The following TRABD2B variants were observed in gnomAD, a reference collection of about 807,000 sequenced individuals.
TRABD2B encodes the protein metalloprotease TIKI2.
Under a neutral mutation model 40.1 loss-of-function variants are expected in TRABD2B, and 14 were observed. The observed-to-expected ratio is 0.35, with a 90% CI of 0.23 to 0.55. The LOEUF (loss-of-function observed/expected upper bound fraction) is 0.55. Among genes scored for constraint, TRABD2B ranks in the 20% least tolerant of loss-of-function variants. TRABD2B has a pLI of 0.90. For synonymous variants in TRABD2B, 263 were observed against 277.0 expected (o/e 0.95, Z 0.50); for missense variants, 541 against 648.6 (o/e 0.83, Z 1.80).
At chr1:47,795,816 A>T (rs1229715972) in intron 3 of TRABD2B, 1 of 583,220 alleles carries the variant, frequency 1.7e-6, no homozygotes, top group African/African-American at 2.0e-5. Context: ...CCCTTTTTGA[A>T]TACCTCAACC....
chr1:47,859,788 C>G (rs112631033), intron 2 of TRABD2B, among the ~76,000 whole-genome samples: 3 of 152,316 alleles, frequency 2.0e-5, no homozygotes, highest in African/African-American at 7.2e-5. Flanking sequence ...CACCTTCCAG[C>G]CTTGGCACCT....
chr1:47,827,346 C>T (rs1158661621), intron 2 of TRABD2B, among the ~76,000 whole-genome samples: 1 of 152,226 alleles, frequency 6.6e-6, no homozygotes, highest in Non-Finnish European at 1.5e-5. Context: ...TCAGCATCTG[C>T]ATGTGCTCTG....
At chr1:47,904,149 T>G (rs888433272) in intron 2 of TRABD2B, among the ~76,000 whole-genome samples, 1 of 152,272 alleles carries the variant, frequency 6.6e-6, no homozygotes, top group East Asian at 1.9e-4. Flanking sequence ...AGTGGGATGA[T>G]GTTTGCAGAG....
At chr1:47,928,603 T>C (rs750419061) in intron 2 of TRABD2B, among the ~76,000 whole-genome samples, 1 of 152,230 alleles carries the variant, frequency 6.6e-6, no homozygotes, top group African/African-American at 2.4e-5. Context: ...TAGGAAGAGA[T>C]AGCAAGGCTC....
rs932094924 is a variant in TRABD2B at position 47,765,704 on chromosome 1, G to A, written c.*198C>T. ...ACGTATTTTACAAAAGAGCCCCATA[G>A]CACTATGGGAAATTAAGATCCTTCT... On this transcript the variant is annotated 3_prime_UTR_variant, in exon 7 of 7. Transcript: ENST00000606738. The A allele has an allele frequency of 2.6e-5, 16 of 616,084 alleles. No individual in the cohort carries two copies. In the East Asian group the frequency reaches 4.1e-4, roughly 16 times the overall value. 38.2% of individuals were successfully genotyped at this position (616,084 alleles called of 1,614,324 possible).
At position 47,766,100 on chromosome 1, in the gene TRABD2B, G is replaced by A. The variant is rs913084395; in HGVS notation, c.1356C>T (p.Thr452=). 10 of 701,766 alleles carry A rather than the reference G, an allele frequency of 1.4e-5. No homozygotes were observed. The highest frequency in any genetic ancestry group is 5.2e-5 in the African/African-American group (3 of 57,378). The allele number at this position is 701,766 out of a possible 1,614,324, so 43.5% of individuals were successfully genotyped here. Residue 452 remains threonine, a synonymous_variant, in exon 7 of 7, where the codon ACC becomes ACT. Coordinates refer to ENST00000606738, the MANE Select transcript of TRABD2B (RefSeq NM_001194986.2). ...GCAGGGGCAGCGGGGGTGGTGAGGC[G>A]GTGGTGCTGGAAAGGAGGAAGCACA... ...DLWVRIEDST[T]ASPPPLPLQP...
chr1:47,911,981 C>T (rs1314768306), intron 2 of TRABD2B, among the ~76,000 whole-genome samples: 2 of 152,212 alleles, frequency 1.3e-5, no homozygotes, highest in Non-Finnish European at 2.9e-5. Context: ...GTGTGGATCA[C>T]GCAACGCCCA....
chr1:47,944,412 C>T (rs1645231384), intron 2 of TRABD2B, among the ~76,000 whole-genome samples: 1 of 152,188 alleles, frequency 6.6e-6, no homozygotes, highest in Non-Finnish European at 1.5e-5. Context: ...TAGGAAGTGT[C>T]TCAGGGAACA....
In TRABD2B at chr1:47,918,474, C is replaced by T. The variant is rs541714035; in HGVS notation, c.666+75560G>A. On this transcript the variant is annotated intron_variant, in intron 2 of 6. Coordinates refer to ENST00000606738, the MANE Select transcript of TRABD2B (RefSeq NM_001194986.2). ...CCTGTCCAAGATCACATAGCTAGTA[C>T]GCAGCACGGCAGAATCTGAATCCAT... 2.0e-4 allele frequency among the ~76,000 whole-genome samples: 31 copies of T among 152,284 alleles called. No individual in the cohort carries two copies. In the South Asian group the frequency reaches 2.7e-3, roughly 13 times the overall value.
intron 2 of TRABD2B, among the ~76,000 whole-genome samples, chr1:47,866,779 C>T (rs1475053299): frequency 6.6e-6 from 1 of 152,204 alleles, no homozygotes; most frequent in Admixed American, 6.5e-5. Flanking sequence ...CCCTCTCCAT[C>T]CCACTGGGCC....
At chr1:47,808,291 CGTGT>C (rs57152316) in intron 2 of TRABD2B, among the ~76,000 whole-genome samples, 7 of 150,442 alleles carry the variant, frequency 4.7e-5, no homozygotes, top group Non-Finnish European at 7.4e-5. Flanking sequence ...ACCAACACTA[CGTGT>C]GTGTGTGTGT....
intron 6 of TRABD2B, among the ~76,000 whole-genome samples, chr1:47,772,801 G>A (rs528254330): frequency 3.3e-5 from 5 of 152,142 alleles, no homozygotes; most frequent in Admixed American, 2.0e-4. Context: ...GGCCTCTCAG[G>A]GAGCTCAGGG....
intron 2 of TRABD2B, among the ~76,000 whole-genome samples, chr1:47,832,022 T>C (rs943386077): frequency 1.3e-5 from 2 of 152,172 alleles, no homozygotes; most frequent in Non-Finnish European, 2.9e-5. Flanking sequence ...CCTGGAGTCA[T>C]GTGAGTCAGA....
intron 2 of TRABD2B, among the ~76,000 whole-genome samples, chr1:47,906,012 A>G (rs1041393765): frequency 6.6e-6 from 1 of 152,056 alleles, no homozygotes; most frequent in African/African-American, 2.4e-5. Flanking sequence ...GCCATGTCTC[A>G]TTTTTTTATG....
rs182468203 is a variant in TRABD2B at position 47,787,737 on chromosome 1, A to G, written c.988+6849T>C. ...TTTTGCTGTGGGATAATGTAGAAGC[A>G]GGCAGCATTTCTGTTTATGGACCTC... On this transcript the variant is annotated intron_variant, in intron 4 of 6. Coordinates refer to ENST00000606738, the MANE Select transcript of TRABD2B (RefSeq NM_001194986.2). Among the ~76,000 whole-genome samples the G allele has an allele frequency of 3.9e-5, 6 of 152,336 alleles. No homozygotes were observed. The East Asian group carries it at 1.2e-3, about 29-fold the overall frequency.
At chr1:47,939,550 A>C (rs1195285513) in intron 2 of TRABD2B, among the ~76,000 whole-genome samples, 1 of 152,172 alleles carries the variant, frequency 6.6e-6, no homozygotes, top group African/African-American at 2.4e-5. Flanking sequence ...CAACAGCCCT[A>C]TGAGACAGGG....
chr1:47,976,542 G>C (rs931945972), intron 2 of TRABD2B, among the ~76,000 whole-genome samples: 11 of 152,192 alleles, frequency 7.2e-5, no homozygotes, highest in African/African-American at 2.4e-4. Flanking sequence ...CATGGAGCTA[G>C]CATTGTAGTG....
intron 2 of TRABD2B, among the ~76,000 whole-genome samples, chr1:47,812,582 G>C (rs1644979847): frequency 6.6e-6 from 1 of 152,018 alleles, no homozygotes; most frequent in Non-Finnish European, 1.5e-5. Flanking sequence ...AGCCAGATAT[G>C]CTGTCACGTG....
At position 47,760,798 on chromosome 1, in the gene TRABD2B, C is replaced by G. The variant is rs1274242199; in HGVS notation, c.*5104G>C. Reference sequence around the variant, plus strand: ...GGCAGGGGCTCTGGCTTCCTCTGTTCTGGGCTAGAGCCTCCTTTGGCTGAA... The same window carrying G: ...GGCAGGGGCTCTGGCTTCCTCTGTTGTGGGCTAGAGCCTCCTTTGGCTGAA... On this transcript the variant is annotated 3_prime_UTR_variant, in exon 7 of 7. Coordinates refer to ENST00000606738, the MANE Select transcript of TRABD2B (RefSeq NM_001194986.2). The G allele has an allele frequency of 6.6e-6, 1 of 152,206 alleles. No individual in the cohort carries two copies. The highest frequency in any genetic ancestry group is 6.5e-5 in the Admixed American group (1 of 15,274). The allele number at this position is 152,206 out of a possible 1,614,324, so 9.4% of individuals were successfully genotyped here. A position where few individuals can be genotyped will look rare whatever the true frequency, so the allele number is the denominator to read the frequency against.
Sources: allele counts gnomAD v4.1 joint callset (sites outside exome capture counted in the v4.1 genomes callset), GRCh38; gene constraint gnomAD v4.1.1; transcripts MANE v1.5; gene names NCBI Gene and HGNC (gene_info 2026-07-23, HGNC 2026-07-21).